The following SORCS3 variants were observed in gnomAD, a reference collection of about 807,000 sequenced individuals.
SORCS3 encodes the protein VPS10 domain-containing receptor SorCS3.
Under a neutral mutation model 146.3 loss-of-function variants are expected in SORCS3, and 57 were observed. That is an observed-to-expected ratio of 0.39 (90% CI 0.31 to 0.49). The LOEUF is 0.49. Ranked by LOEUF, SORCS3 falls within the 20% of genes least tolerant of loss-of-function variation. The pLI, the probability that SORCS3 is intolerant of heterozygous loss-of-function variation, is 0.92. For missense variants in SORCS3, 1,341 were observed against 1,575.5 expected (o/e 0.85, Z 2.52); for synonymous variants, 653 against 618.5 (o/e 1.06, Z -0.83).
At chr10:105,171,128 C>T (rs1387999724) in intron 13 of SORCS3, among the ~76,000 whole-genome samples, 1 of 152,186 alleles carries the variant, frequency 6.6e-6, no homozygotes, top group African/African-American at 2.4e-5. Context: ...AGCTACATCA[C>T]CTTTAAGAGA....
At chr10:105,148,983 C>T (rs992716445) in intron 9 of SORCS3, among the ~76,000 whole-genome samples, 3 of 152,134 alleles carry the variant, frequency 2.0e-5, no homozygotes, top group Non-Finnish European at 2.9e-5. Context: ...AGTGAGTTCT[C>T]ACAAGAGCTG....
chr10:104,788,038 T>C (rs574335325), intron 1 of SORCS3, among the ~76,000 whole-genome samples: 1 of 152,314 alleles, frequency 6.6e-6, no homozygotes, highest in South Asian at 2.1e-4. Flanking sequence ...TTATAGACTC[T>C]ACTTGGAGCC....
intron 4 of SORCS3, among the ~76,000 whole-genome samples, chr10:104,989,286 T>C (rs1286941229): frequency 6.6e-6 from 1 of 152,236 alleles, no homozygotes; most frequent in Non-Finnish European, 1.5e-5. Context: ...GAAGTCTGAC[T>C]CTGCATGTAT....
chr10:105,090,744 C>G (rs989337076), intron 6 of SORCS3, among the ~76,000 whole-genome samples: 3 of 152,044 alleles, frequency 2.0e-5, no homozygotes, highest in Admixed American at 2.0e-4. Context: ...CCCTCTGTGA[C>G]CTGAGAATAC....
At chr10:105,002,544 C>A (rs556880471) in intron 4 of SORCS3, among the ~76,000 whole-genome samples, 1 of 152,322 alleles carries the variant, frequency 6.6e-6, no homozygotes, top group Admixed American at 6.5e-5. Context: ...AACCTCTAGA[C>A]ACACGTGGCT....
intron 14 of SORCS3, among the ~76,000 whole-genome samples, chr10:105,182,337 A>C (rs1037196398): frequency 6.8e-6 from 1 of 147,802 alleles, no homozygotes; most frequent in Non-Finnish European, 1.5e-5. Flanking sequence ...TAGGATTGGC[A>C]TCATTGGGCA....
chr10:105,110,008 A>C (rs2055849058), intron 7 of SORCS3, among the ~76,000 whole-genome samples: 2 of 151,828 alleles, frequency 1.3e-5, no homozygotes, highest in Non-Finnish European at 2.9e-5. Context: ...TTCTTCCAGG[A>C]CATCTAGGAT....
At chr10:104,764,637 G>T (rs147154211) in intron 1 of SORCS3, among the ~76,000 whole-genome samples, 1 of 152,194 alleles carries the variant, frequency 6.6e-6, no homozygotes, top group African/African-American at 2.4e-5. Context: ...AGCCAAGAAG[G>T]TAATGAAGTA....
chr10:104,703,818 C>T (rs2016307473), intron 1 of SORCS3, among the ~76,000 whole-genome samples: 1 of 151,354 alleles, frequency 6.6e-6, no homozygotes, highest in Non-Finnish European at 1.5e-5. Context: ...GTTTTCGACT[C>T]CATCAGGGTT....
chr10:104,840,122 G>A (rs2018120829), intron 1 of SORCS3, among the ~76,000 whole-genome samples: 1 of 152,108 alleles, frequency 6.6e-6, no homozygotes, highest in Non-Finnish European at 1.5e-5. Flanking sequence ...GGATTTCAGA[G>A]CACAACAGCT....
At chr10:105,089,013 G>A (rs781208373) in intron 5 of SORCS3, among the ~76,000 whole-genome samples, 3 of 152,118 alleles carry the variant, frequency 2.0e-5, no homozygotes, top group Non-Finnish European at 4.4e-5. Flanking sequence ...CTTTTCAGTG[G>A]ACTTTTTGGG....
intron 4 of SORCS3, among the ~76,000 whole-genome samples, chr10:105,005,901 T>C (rs2055092173): frequency 6.6e-6 from 1 of 152,216 alleles, no homozygotes; most frequent in East Asian, 1.9e-4. Context: ...ACCGGGTTTC[T>C]ATTCATTTCC....
chr10:104,738,840 C>T (rs1390650291), intron 1 of SORCS3, among the ~76,000 whole-genome samples: 8 of 152,144 alleles, frequency 5.3e-5, no homozygotes, highest in Admixed American at 5.2e-4. Flanking sequence ...ATATAGGAGA[C>T]ATTCCTTGAC....
chr10:105,120,344 T>G (rs1190982308), intron 7 of SORCS3, among the ~76,000 whole-genome samples: 2 of 152,154 alleles, frequency 1.3e-5, no homozygotes, highest in Admixed American at 6.5e-5. Flanking sequence ...AATTACCCAG[T>G]CTTGGGTATT....
intron 1 of SORCS3, among the ~76,000 whole-genome samples, chr10:104,761,738 G>C (rs2017124338): frequency 6.6e-6 from 1 of 152,234 alleles, no homozygotes; most frequent in South Asian, 2.1e-4. Flanking sequence ...TCATTGAAGT[G>C]AGAAAATGGG....
chr10:104,886,554 T>TCATCTATCTATCTATC (rs1554857170), intron 2 of SORCS3, among the ~76,000 whole-genome samples: 24 of 127,842 alleles, frequency 1.9e-4, no homozygotes, highest in Non-Finnish European at 3.3e-4. Context: ...TATAACTCTA[T>TCATCTATCTATCTATC]CATCTATCTA....
At chr10:104,974,772 T>C (rs2054884401) in intron 3 of SORCS3, among the ~76,000 whole-genome samples, 2 of 152,326 alleles carry the variant, frequency 1.3e-5, no homozygotes, top group Admixed American at 1.3e-4. Flanking sequence ...TGTTAGTTGA[T>C]GCAGTTTCTT....
intron 3 of SORCS3, among the ~76,000 whole-genome samples, chr10:104,924,166 G>A (rs1183957023): frequency 6.6e-6 from 1 of 152,154 alleles, no homozygotes; most frequent in Non-Finnish European, 1.5e-5. Context: ...GCATATTGGA[G>A]CTTAAAGGGC....
At chr10:104,870,439 G>GT (rs11318733) in intron 2 of SORCS3, among the ~76,000 whole-genome samples, 15 of 150,186 alleles carry the variant, frequency 1.0e-4, no homozygotes, top group Non-Finnish European at 1.6e-4. Context: ...TTTGTTTAAT[G>GT]TTTTTTTTTT....
Sources: allele counts gnomAD v4.1 joint callset (sites outside exome capture counted in the v4.1 genomes callset), GRCh38; gene constraint gnomAD v4.1.1; transcripts MANE v1.5; gene names NCBI Gene and HGNC (gene_info 2026-07-23, HGNC 2026-07-21).